The following ANKRD62 variants were observed in gnomAD, a reference collection of about 807,000 sequenced individuals.
ANKRD62 encodes ankyrin repeat domain-containing protein 62.
Under a neutral mutation model 98.8 loss-of-function variants are expected in ANKRD62, and 61 were observed. That is an observed-to-expected ratio of 0.62 (90% CI 0.50 to 0.76). ANKRD62 has a LOEUF of 0.76. ANKRD62 is among the 30% of genes least tolerant of loss of function. ANKRD62 has a pLI of 0.00. For synonymous variants in ANKRD62, 341 were observed against 367.9 expected (o/e 0.93, Z 0.84); for missense variants, 933 against 1,082.9 (o/e 0.86, Z 1.94).
At chr18:12,116,211 A>G (rs1344286193) in intron 10 of ANKRD62, among the ~76,000 whole-genome samples, 3 of 152,200 alleles carry the variant, frequency 2.0e-5, no homozygotes, top group Non-Finnish European at 4.4e-5. Context: ...ATAACCCACA[A>G]AAGTGTCCTA....
chr18:12,101,448 T>A (rs1909297801), intron 6 of ANKRD62, among the ~76,000 whole-genome samples: 1 of 152,208 alleles, frequency 6.6e-6, no homozygotes, highest in South Asian at 2.1e-4. Context: ...TTCCTAAGAT[T>A]TAGAAATTCA....
the ANKRD62 span, among the ~76,000 whole-genome samples, chr18:12,135,749 A>G: frequency 6.6e-6 from 1 of 152,032 alleles, no homozygotes; most frequent in Non-Finnish European, 1.5e-5. Context: ...CTGGTGTGAG[A>G]TGGTATCTCA....
At chr18:12,095,756 C>A in intron 3 of ANKRD62, 146 bp downstream of exon 3, 2 of 794,468 alleles carry the variant, frequency 2.5e-6, no homozygotes. Context: ...TTTAAAAATA[C>A]ATTCATAACA....
At position 12,111,263 on chromosome 18, in the gene ANKRD62, G is replaced by T. The variant is rs530607744; in HGVS notation, c.1064+3796G>T. ...GACTGCCTCTCAAAAAAAAAAAAAA[G>T]ATCAATAAATGTAATTAATCAAATA... On this transcript the variant is annotated intron_variant, in intron 8 of 13. Coordinates refer to ENST00000587848, the MANE Select transcript of ANKRD62 (RefSeq NM_001277333.2). Among the ~76,000 whole-genome samples the T allele has an allele frequency of 4.2e-5, 6 of 142,174 alleles. No homozygotes were observed. The South Asian group carries it at 1.1e-3, about 27-fold the overall frequency. The allele number at this position is 142,174 out of a possible 152,430, so 93.3% of individuals were successfully genotyped here.
At chr18:12,125,354 T>C in intron 12 of ANKRD62, 106 bp from the exon 13 acceptor site, 1 of 1,070,858 alleles carries the variant, frequency 9.3e-7, no homozygotes, top group Non-Finnish European at 1.2e-6. Flanking sequence ...AGATGGCAAC[T>C]CTTTCATTGT....
At chr18:12,156,233 A>T in the ANKRD62 span, among the ~76,000 whole-genome samples, 4 of 152,290 alleles carry the variant, frequency 2.6e-5, no homozygotes, top group East Asian at 7.7e-4. Flanking sequence ...AGTTTGCAGA[A>T]CCATAAACCA....
chr18:12,154,589 A>G, the ANKRD62 span, among the ~76,000 whole-genome samples: 4 of 152,212 alleles, frequency 2.6e-5, no homozygotes, highest in Non-Finnish European at 2.9e-5. Context: ...AAGCAGAACT[A>G]GCATTCCACC....
At chr18:12,146,583 C>T in the ANKRD62 span, among the ~76,000 whole-genome samples, 1 of 152,168 alleles carries the variant, frequency 6.6e-6, no homozygotes, top group East Asian at 1.9e-4. Flanking sequence ...GCAGCTGGGA[C>T]TACAGGCATA....
the ANKRD62 span, among the ~76,000 whole-genome samples, chr18:12,171,819 T>C: frequency 6.6e-6 from 1 of 152,212 alleles, no homozygotes; most frequent in African/African-American, 2.4e-5. Context: ...CCCTTATTTC[T>C]TGGAGGCTTT....
intron 12 of ANKRD62, among the ~76,000 whole-genome samples, chr18:12,124,719 A>T (rs58898985): frequency 0.9 from 135,586 of 151,224 alleles, 60,950 homozygotes; most frequent in Middle Eastern, 0.98. Context: ...ATCTTCTTTG[A>T]GTTTTGAAAG....
the ANKRD62 span, among the ~76,000 whole-genome samples, chr18:12,177,332 G>T: frequency 6.6e-6 from 1 of 152,298 alleles, no homozygotes; most frequent in Non-Finnish European, 1.5e-5. Context: ...AGGAGCCAGG[G>T]AGAAGGAAAT....
intron 10 of ANKRD62, among the ~76,000 whole-genome samples, chr18:12,120,734 A>G (rs1909766150): frequency 1.3e-5 from 2 of 151,988 alleles, no homozygotes; most frequent in South Asian, 4.1e-4. Flanking sequence ...TAGATTAATC[A>G]GCTATTTTCT....
intron 6 of ANKRD62, among the ~76,000 whole-genome samples, chr18:12,100,467 G>A (rs1290167964): frequency 6.6e-6 from 1 of 152,114 alleles, no homozygotes; most frequent in East Asian, 1.9e-4. Flanking sequence ...AGATGAGCGG[G>A]CCCTTGCAGT....
At chr18:12,126,472 G>C in intron 13 of ANKRD62, 89 bp downstream of exon 13, 1 of 1,091,900 alleles carries the variant, frequency 9.2e-7, no homozygotes, top group East Asian at 2.6e-5. Flanking sequence ...GAATCTAGTT[G>C]AATATCAAAA....
At chr18:12,169,927 A>G in the ANKRD62 span, among the ~76,000 whole-genome samples, 9 of 152,132 alleles carry the variant, frequency 5.9e-5, no homozygotes, top group African/African-American at 2.2e-4. Flanking sequence ...AGAGGTGTTT[A>G]TAGTATTCTC....
At chr18:12,174,619 C>T in the ANKRD62 span, among the ~76,000 whole-genome samples, 15 of 152,202 alleles carry the variant, frequency 9.9e-5, no homozygotes, top group Admixed American at 9.8e-4. Context: ...GTTTTCTCAT[C>T]TTTGTGGGCT....
downstream of ANKRD62, among the ~76,000 whole-genome samples, chr18:12,130,734 C>T (rs1909990642): frequency 1.3e-5 from 2 of 151,804 alleles, 1 homozygote; most frequent in South Asian, 4.2e-4. Flanking sequence ...GATCTGTCGC[C>T]CAGACTGGAG....
chr18:12,175,179 G>A, the ANKRD62 span, among the ~76,000 whole-genome samples: 1 of 152,214 alleles, frequency 6.6e-6, no homozygotes, highest in Non-Finnish European at 1.5e-5. Context: ...GCACTGGCGG[G>A]CTCAGGTCTG....
At chr18:12,150,182 A>C in the ANKRD62 span, among the ~76,000 whole-genome samples, 6 of 152,244 alleles carry the variant, frequency 3.9e-5, no homozygotes, top group Non-Finnish European at 7.3e-5. Context: ...ACAGGAGAAT[A>C]AATCTAGCTG....
Sources: gnomAD v4.1 joint callset for allele counts (sites outside exome capture counted in the v4.1 genomes callset) on GRCh38, gnomAD v4.1.1 for gene constraint, MANE v1.5 for transcripts, NCBI Gene and HGNC (gene_info 2026-07-23, HGNC 2026-07-21) for gene names.